The following RTL10 variants were observed in gnomAD, a reference collection of about 807,000 sequenced individuals.
The protein encoded by RTL10 is retrotransposon Gag like 10, also known as protein Bop.
For synonymous variants in RTL10, 199 were observed against 188.4 expected (o/e 1.06, Z -0.46); for missense variants, 477 against 470.7 (o/e 1.01, Z -0.12).
In RTL10 at chr22:19,849,544, T is replaced by A. The variant is rs1176464536; in HGVS notation, c.*1623A>T. On this transcript the variant is annotated 3_prime_UTR_variant, in exon 3 of 3. Coordinates refer to ENST00000328554, the MANE Select transcript of RTL10 (RefSeq NM_024627.6). The stretch of plus-strand genomic sequence containing the variant: ...CCACCACACTTGGCTAATTTTGTAT[T>A]TTTAGGAGAGATGGATTTCTCCATG... 1 of 380,202 alleles carries A rather than the reference T, an allele frequency of 2.6e-6. No homozygotes were observed. Among genetic ancestry groups the A allele is most frequent in the Admixed American group, 6.4e-5 (1 of 15,524 alleles). 23.6% of individuals were successfully genotyped at this position (380,202 alleles called of 1,614,324 possible).
Position 19,852,244 on chromosome 22 carries a change from G to A in RTL10, c.18C>T (p.Cys6=). The change falls in exon 3 of 3, where the codon TGC becomes TGT. Residue 6 remains cysteine (C), a synonymous_variant. Transcript: ENST00000328554. MPRGR[C]RQQGPRIPIW... ...TGGGAATGCGAGGGCCCTGCTGACG[G>A]CACCGGCCACGAGGCATGCTGGGAG... 1.2e-6 allele frequency: 2 copies of A among 1,608,024 alleles called. No homozygotes were observed. Among genetic ancestry groups the A allele is most frequent in the Non-Finnish European group, 1.7e-6 (2 of 1,176,760 alleles).
chr22:19,850,904 T>G lies in RTL10; in HGVS notation c.*263A>C. The stretch of plus-strand genomic sequence containing the variant: ...ACCCCCTCGTGGGAGCAGGCCTGGG[T>G]GAGACGGCACTCCCAGAAGACGGGC... On this transcript the variant is annotated 3_prime_UTR_variant, in exon 3 of 3. Coordinates refer to ENST00000328554, the MANE Select transcript of RTL10 (RefSeq NM_024627.6). 11 of 1,362,254 alleles carry G rather than the reference T, an allele frequency of 8.1e-6. No individual in the cohort carries two copies. Among genetic ancestry groups the G allele is most frequent in the Non-Finnish European group, 1.0e-5 (11 of 1,061,822 alleles). 84.4% of individuals were successfully genotyped at this position (1,362,254 alleles called of 1,614,324 possible).
rs998376891 is a variant in RTL10, at chr22:19,848,521, A to G, written c.*2646T>C. 2.0e-6 allele frequency: 2 copies of G among 985,392 alleles called. No homozygotes were observed. The highest frequency in any genetic ancestry group is 3.5e-5 in the African/African-American group (2 of 57,256). The allele number at this position is 985,392 out of a possible 1,614,324, so 61.0% of individuals were successfully genotyped here. A position where few individuals can be genotyped will look rare whatever the true frequency, so the allele number is the denominator to read the frequency against. ...CTGCCTGTCTGGAAGGCCATGCCAG[A>G]GTCCATCGTTGCCTCCACCCTACCT... On this transcript the variant is annotated 3_prime_UTR_variant, in exon 3 of 3. Coordinates refer to ENST00000328554, the MANE Select transcript of RTL10 (RefSeq NM_024627.6).
rs1937986225 is a variant in RTL10 at position 19,847,425 on chromosome 22, G to A, written c.*3742C>T. 1.0e-6 allele frequency: 1 copy of A among 985,280 alleles called. No individual in the cohort carries two copies. Among genetic ancestry groups the A allele is most frequent in the East Asian group, 1.1e-4 (1 of 8,820 alleles). 61.0% of individuals were successfully genotyped at this position (985,280 alleles called of 1,614,324 possible). Reference sequence around the variant, plus strand: ...AAAAACAGTGACACCCATGAGGTGGGTGTTAGAGGGCCCAGACCCCAGCCA... The same window carrying A: ...AAAAACAGTGACACCCATGAGGTGGATGTTAGAGGGCCCAGACCCCAGCCA... On this transcript the variant is annotated 3_prime_UTR_variant, in exon 3 of 3. Transcript: ENST00000328554.
chr22:19,847,489 A>G lies in RTL10; in HGVS notation c.*3678T>C. On this transcript the variant is annotated 3_prime_UTR_variant, in exon 3 of 3. Transcript: ENST00000328554. ...GCATCATTCTCATTCAACCCTTCTA[A>G]CCACCCCATGAGGAAAAACTCTGGT... is the stretch of plus-strand genomic sequence containing the variant. The G allele has an allele frequency of 1.0e-6, 1 of 985,288 alleles. No homozygotes were observed. 61.0% of individuals were successfully genotyped at this position (985,288 alleles called of 1,614,324 possible). A position where few individuals can be genotyped will look rare whatever the true frequency, so the allele number is the denominator to read the frequency against.
At position 19,853,597 on chromosome 22, in the gene RTL10, C is replaced by A. The variant is rs143228865; in HGVS notation, c.-226+846G>T. On this transcript the variant is annotated intron_variant, in intron 2 of 2. Coordinates refer to ENST00000328554, the MANE Select transcript of RTL10 (RefSeq NM_024627.6). ...CATCTCCTATCTGCTGGCCATCCCC[C>A]CTCAGGGTGAGTTCCTCCAGGTACC... 9.8e-5 allele frequency among the ~76,000 whole-genome samples: 15 copies of A among 152,300 alleles called. No individual in the cohort carries two copies. In the East Asian group the frequency reaches 1.4e-3, roughly 14 times the overall value.
rs762839616 is a variant in RTL10 at position 19,846,434 on chromosome 22, C to T, written c.*4733G>A. 5.1e-6 allele frequency: 5 copies of T among 985,374 alleles called. No individual in the cohort carries two copies. Among genetic ancestry groups the T allele is most frequent in the Non-Finnish European group, 6.0e-6 (5 of 829,856 alleles). 61.0% of individuals were successfully genotyped at this position (985,374 alleles called of 1,614,324 possible). On this transcript the variant is annotated 3_prime_UTR_variant, in exon 3 of 3. Transcript: ENST00000328554. ...ACTCAACAGCCAAGGCTTGGCCATC[C>T]CCACTCCTCAGTATGGGCCCCAGAA...
chr22:19,852,467 A>G lies in RTL10; in HGVS notation c.-206T>C, dbSNP rs1938131706. On this transcript the variant is annotated 5_prime_UTR_variant, in exon 3 of 3. Transcript: ENST00000328554. The stretch of plus-strand genomic sequence containing the variant: ...GAAGAGCTGAGAGACTGTCAGTCGC[A>G]GGCCATCATCCGAGGCAATCTGTCC... 1.2e-5 allele frequency: 7 copies of G among 597,114 alleles called. No individual in the cohort carries two copies. The South Asian group carries it at 1.4e-4, about 12-fold the overall frequency. The allele number at this position is 597,114 out of a possible 1,614,324, so 37.0% of individuals were successfully genotyped here. A position where few individuals can be genotyped will look rare whatever the true frequency, so the allele number is the denominator to read the frequency against.
At position 19,852,329 on chromosome 22, in the gene RTL10, G is replaced by C; in HGVS notation, c.-68C>G. ...GGTGGTGGGGGTGTGGACAGATGTGGCTTGCACGACACAACAGGACAGGGA... is the reference window on the plus strand; with the variant it reads ...GGTGGTGGGGGTGTGGACAGATGTGCCTTGCACGACACAACAGGACAGGGA... On this transcript the variant is annotated 5_prime_UTR_variant, in exon 3 of 3. Coordinates refer to ENST00000328554, the MANE Select transcript of RTL10 (RefSeq NM_024627.6). The C allele has an allele frequency of 2.0e-6, 3 of 1,512,380 alleles. No individual in the cohort carries two copies. The highest frequency in any genetic ancestry group is 2.7e-6 in the Non-Finnish European group (3 of 1,114,408). The allele number at this position is 1,512,380 out of a possible 1,614,324, so 93.7% of individuals were successfully genotyped here. A position where few individuals can be genotyped will look rare whatever the true frequency, so the allele number is the denominator to read the frequency against.
At position 19,846,920 on chromosome 22, in the gene RTL10, G is replaced by GT; in HGVS notation, c.*4246dup. 7 of 985,282 alleles carry GT rather than the reference G, an allele frequency of 7.1e-6. No individual in the cohort carries two copies. Among genetic ancestry groups the GT allele is most frequent in the Non-Finnish European group, 8.4e-6 (7 of 829,802 alleles). The allele number at this position is 985,282 out of a possible 1,614,324, so 61.0% of individuals were successfully genotyped here. ...TCAGGCAGCCCCAGCAGACAAACAG[G>GT]TATGTTGCCCTGGGATGGATGCAGG... On this transcript the variant is annotated 3_prime_UTR_variant, in exon 3 of 3. Coordinates refer to ENST00000328554, the MANE Select transcript of RTL10 (RefSeq NM_024627.6).
At position 19,851,212 on chromosome 22, in the gene RTL10, C is replaced by T; in HGVS notation, c.1050G>A (p.Glu350=). ...VSLGTPQEVV[E]APETPGEPPL... is the part of the protein sequence containing the mutation. ...GTGGCTCTCCTGGGGTCTCCGGGGC[C>T]TCCACCACCTCCTGTGGGGTACCTA... Residue 350 remains glutamate (E), a synonymous_variant, in exon 3 of 3, where the codon GAG becomes GAA. Transcript: ENST00000328554. 1 of 1,595,830 alleles carries T rather than the reference C, an allele frequency of 6.3e-7. No individual in the cohort carries two copies. The highest frequency in any genetic ancestry group is 8.5e-7 in the Non-Finnish European group (1 of 1,170,476).
Position 19,847,634 on chromosome 22 carries a change from G to C in RTL10, c.*3533C>G. The C allele has an allele frequency of 1.3e-6, 1 of 795,672 alleles. No homozygotes were observed. Among genetic ancestry groups the C allele is most frequent in the Non-Finnish European group, 1.5e-6 (1 of 658,526 alleles). 49.3% of individuals were successfully genotyped at this position (795,672 alleles called of 1,614,324 possible). A position where few individuals can be genotyped will look rare whatever the true frequency, so the allele number is the denominator to read the frequency against. ...GTGGTACCGAACCATGACCACCCCT[G>C]GCAAGAGCCTTCATGCACCTAGCAA... On this transcript the variant is annotated 3_prime_UTR_variant, in exon 3 of 3. Transcript: ENST00000328554.
chr22:19,849,284 T>G lies in RTL10; in HGVS notation c.*1883A>C, dbSNP rs1260717865. The G allele has an allele frequency of 5.1e-6, 5 of 982,922 alleles. No individual in the cohort carries two copies. The highest frequency in any genetic ancestry group is 6.2e-5 in the Admixed American group (1 of 16,246). 60.9% of individuals were successfully genotyped at this position (982,922 alleles called of 1,614,324 possible). Reference sequence around the variant, plus strand: ...CTGAAATAACTCACACATAAAACCATCTGAACCCAGAGCCTTTTCTAGTGA... The same window carrying G: ...CTGAAATAACTCACACATAAAACCAGCTGAACCCAGAGCCTTTTCTAGTGA... On this transcript the variant is annotated 3_prime_UTR_variant, in exon 3 of 3. Coordinates refer to ENST00000328554, the MANE Select transcript of RTL10 (RefSeq NM_024627.6).
intron 2 of RTL10, among the ~76,000 whole-genome samples, chr22:19,854,061 G>A (rs1938176721): frequency 6.6e-6 from 1 of 152,156 alleles, no homozygotes; most frequent in Non-Finnish European, 1.5e-5. Context: ...GCCTGCTTTG[G>A]GCCTGAGCCT....
Position 19,851,617 on chromosome 22 carries a change from G to A in RTL10, c.645C>T (p.Tyr215=), listed in dbSNP as rs755930384. Residue 215 remains tyrosine (Y), a synonymous_variant, in exon 3 of 3, where the codon TAC becomes TAT. Transcript: ENST00000328554. ...CCAGGCCCTCTAAGAACCTAGCTAA[G>A]TATTGCCTCACCACAGGCAGCTGAG... ...VAPQLPVVRQ[Y]LARFLEGLAL... is the part of the protein sequence containing the mutation. 5 of 1,595,596 alleles carry A rather than the reference G, an allele frequency of 3.1e-6. No individual in the cohort carries two copies. The African/African-American group carries it at 4.0e-5, about 13-fold the overall frequency.
rs1937963885 is a variant in RTL10, at chr22:19,846,483, C to A, written c.*4684G>T. On this transcript the variant is annotated 3_prime_UTR_variant, in exon 3 of 3. Transcript: ENST00000328554. ...AACCCAGGGCCTGGGGGACTCTGCA[C>A]ACAGGCATGTGGAGACCACAGAAGC... is the stretch of plus-strand genomic sequence containing the variant. 2 of 985,428 alleles carry A rather than the reference C, an allele frequency of 2.0e-6. No homozygotes were observed. The highest frequency in any genetic ancestry group is 9.4e-5 in the South Asian group (2 of 21,284). The allele number at this position is 985,428 out of a possible 1,614,324, so 61.0% of individuals were successfully genotyped here.
intron 2 of RTL10, among the ~76,000 whole-genome samples, 166 bp from the exon 3 acceptor site, chr22:19,852,652 C>T (rs1470129946): frequency 6.6e-6 from 1 of 152,204 alleles, no homozygotes; most frequent in African/African-American, 2.4e-5. Context: ...TGGGCAAATG[C>T]TGCCTATGAC....
rs34331843 is a variant in RTL10 at position 19,847,804 on chromosome 22, C to CAAAAAAAAAAAAAAAA, written c.*3347_*3362dup. The CAAAAAAAAAAAAAAAA allele has an allele frequency of 7.2e-4, 443 of 612,036 alleles. 3 individuals carry two copies. Among genetic ancestry groups the CAAAAAAAAAAAAAAAA allele is most frequent in the Non-Finnish European group, 8.0e-4 (414 of 519,634 alleles). The allele number at this position is 612,036 out of a possible 1,614,324, so 37.9% of individuals were successfully genotyped here. A position where few individuals can be genotyped will look rare whatever the true frequency, so the allele number is the denominator to read the frequency against. On this transcript the variant is annotated 3_prime_UTR_variant, in exon 3 of 3. Coordinates refer to ENST00000328554, the MANE Select transcript of RTL10 (RefSeq NM_024627.6). ...ACTTTTAAAATCCTGGAATCATAGG[C>CAAAAAAAAAAAAAAAA]AAAAAAAAAAAAAAAAAAAAATTCA... is the stretch of plus-strand genomic sequence containing the variant.
In RTL10 at chr22:19,848,667, T is replaced by G; in HGVS notation, c.*2500A>C. The stretch of plus-strand genomic sequence containing the variant: ...AGGTCACCTGGACTCTCCCAAGGAC[T>G]CTCAAGCCTGCCTAGGTGGATGCTG... On this transcript the variant is annotated 3_prime_UTR_variant, in exon 3 of 3. Coordinates refer to ENST00000328554, the MANE Select transcript of RTL10 (RefSeq NM_024627.6). 5 of 985,452 alleles carry G rather than the reference T, an allele frequency of 5.1e-6. No individual in the cohort carries two copies. Among genetic ancestry groups the G allele is most frequent in the Non-Finnish European group, 6.0e-6 (5 of 829,966 alleles). 61.0% of individuals were successfully genotyped at this position (985,452 alleles called of 1,614,324 possible).
Sources: gnomAD v4.1 joint callset for allele counts (sites outside exome capture counted in the v4.1 genomes callset) on GRCh38, gnomAD v4.1.1 for gene constraint, MANE v1.5 for transcripts, NCBI Gene and HGNC (gene_info 2026-07-23, HGNC 2026-07-21) for gene names.